Variants in LYG2 observed in about 807,000 individuals in gnomAD.
LYG2 encodes the protein lysozyme g2, also known as lysozyme g-like protein 2.
LYG2 carries 25 observed loss-of-function variants against 22.4 expected under a neutral mutation model. That is an observed-to-expected ratio of 1.12 (90% confidence interval 0.81 to 1.56). The LOEUF is 1.56. Ranked by LOEUF, LYG2 falls within the 40% of genes most tolerant of loss-of-function variation. The pLI is 0.00. For synonymous variants in LYG2, 88 were observed against 97.0 expected, an observed-to-expected ratio of 0.91 and a Z score of 0.55; for missense variants, 266 against 269.5, an observed-to-expected ratio of 0.99 and a Z score of 0.09.
chr2:99,250,595 C>T lies in LYG2; in HGVS notation c.43+3623G>A, dbSNP rs76085365. On this transcript the variant is annotated intron_variant, in intron 3 of 6. Transcript: ENST00000333017. ...TTCAGCATGTTAGCCAGGATGGTCTCGATCTGCTGACCTTGTGATCCGCCC... is the reference window on the plus strand; with the variant it reads ...TTCAGCATGTTAGCCAGGATGGTCTTGATCTGCTGACCTTGTGATCCGCCC... Among the ~76,000 whole-genome samples the T allele has an allele frequency of 8.9e-4, 135 of 152,186 alleles. 1 individual carries two copies. In the East Asian group the frequency reaches 0.024, roughly 27 times the overall value.
chr2:99,245,571 C>T (rs1207867450), intron 4 of LYG2, 113 bp from the exon 5 acceptor site: 28 of 432,800 alleles, frequency 6.5e-5, no homozygotes, highest in East Asian at 5.3e-4. Flanking sequence ...AGGAGGAGTT[C>T]GAAACCAGCC....
rs1363954244 is a variant in LYG2, at chr2:99,242,319, G to T, written c.*45C>A. On this transcript the variant is annotated 3_prime_UTR_variant, in exon 7 of 7. Coordinates refer to ENST00000333017, the MANE Select transcript of LYG2 (RefSeq NM_175735.4). ...CATTCACGTAAAACTCTCAAAGGCGGCCATCTGAGCACTCTGCCAACCTGG... is the reference window on the plus strand; with the variant it reads ...CATTCACGTAAAACTCTCAAAGGCGTCCATCTGAGCACTCTGCCAACCTGG... The T allele has an allele frequency of 1.8e-6, 2 of 1,086,508 alleles. No homozygotes were observed. Among genetic ancestry groups the T allele is most frequent in the Non-Finnish European group, 2.7e-6 (2 of 727,588 alleles). 67.3% of individuals were successfully genotyped at this position (1,086,508 alleles called of 1,614,324 possible). A position where few individuals can be genotyped will look rare whatever the true frequency, so the allele number is the denominator to read the frequency against.
chr2:99,243,277 AGAAAG>A (rs2094009551), intron 6 of LYG2: 1 of 685,778 alleles, frequency 1.5e-6, no homozygotes, highest in Non-Finnish European at 2.4e-6. Context: ...AAAATGCAGA[AGAAAG>A]AGCAAATTTA....
chr2:99,246,022 C>A (rs975145260), intron 4 of LYG2, among the ~76,000 whole-genome samples: 3 of 152,096 alleles, frequency 2.0e-5, no homozygotes, highest in African/African-American at 7.2e-5. Flanking sequence ...GCAGGAGAAT[C>A]GCTTGAACCT....
intron 3 of LYG2, 35 bp downstream of exon 3, chr2:99,254,183 C>T (rs200710484): frequency 2.5e-4 from 406 of 1,598,084 alleles, no homozygotes; most frequent in Non-Finnish European, 3.1e-4. Context: ...TGTGGACACC[C>T]TGTGAACAAT....
upstream of LYG2, among the ~76,000 whole-genome samples, chr2:99,256,973 A>G (rs541947647): frequency 2.6e-5 from 4 of 152,354 alleles, no homozygotes; most frequent in African/African-American, 9.6e-5. Flanking sequence ...GAAGCTAAGT[A>G]ACTTGTCAAA....
chr2:99,250,233 T>C (rs951559444), intron 3 of LYG2, among the ~76,000 whole-genome samples: 5 of 152,096 alleles, frequency 3.3e-5, no homozygotes, highest in Non-Finnish European at 7.3e-5. Context: ...TCTGTCCAAA[T>C]ATCACCTTAT....
chr2:99,257,980 C>T (rs1306799915), upstream of LYG2, among the ~76,000 whole-genome samples: 1 of 152,188 alleles, frequency 6.6e-6, no homozygotes, highest in African/African-American at 2.4e-5. Context: ...AAGACCTGCC[C>T]TTGTGCCCTG....
chr2:99,252,344 T>C (rs544428667), intron 3 of LYG2, among the ~76,000 whole-genome samples: 20 of 149,758 alleles, frequency 1.3e-4, no homozygotes, highest in East Asian at 4.1e-4. Flanking sequence ...TGAGCCACCG[T>C]GCCCAGCCCA....
At chr2:99,250,576 A>C (rs13409401) in intron 3 of LYG2, among the ~76,000 whole-genome samples, 1 of 150,856 alleles carries the variant, frequency 6.6e-6, no homozygotes, top group African/African-American at 2.5e-5. Context: ...GGGTTTCAGC[A>C]TGTTAGCCAG....
rs1235173406 is a variant in LYG2 at position 99,243,485 on chromosome 2, G to A, written c.520+514C>T. 5.9e-6 allele frequency: 9 copies of A among 1,517,986 alleles called. No individual in the cohort carries two copies. In the East Asian group the frequency reaches 1.5e-4, roughly 25 times the overall value. 94.0% of individuals were successfully genotyped at this position (1,517,986 alleles called of 1,614,324 possible). ...AACAGGAAAAAACCTATGAGAGGTAGGCAAACAGATAGATAGATAGATAGA... is the reference window on the plus strand; with the variant it reads ...AACAGGAAAAAACCTATGAGAGGTAAGCAAACAGATAGATAGATAGATAGA... On this transcript the variant is annotated intron_variant, in intron 6 of 6. Transcript: ENST00000333017.
chr2:99,243,242 A>G (rs556324107), intron 6 of LYG2, among the ~76,000 whole-genome samples: 2 of 152,278 alleles, frequency 1.3e-5, no homozygotes, highest in Admixed American at 6.5e-5. Flanking sequence ...ATGACTGGCT[A>G]TATTATGGTG....
chr2:99,250,469 G>A lies in LYG2; in HGVS notation c.44-3649C>T, dbSNP rs1574864481. Among the ~76,000 whole-genome samples the A allele has an allele frequency of 2.0e-5, 3 of 151,276 alleles. No homozygotes were observed. In the East Asian group the frequency reaches 5.9e-4, roughly 30 times the overall value. ...GGCTCACTGCAAGCTCCGCCTCCTG[G>A]GTTCATGCCATTCTCCTGCCTCAGC... is the stretch of plus-strand genomic sequence containing the variant. On this transcript the variant is annotated intron_variant, in intron 3 of 6. Coordinates refer to ENST00000333017, the MANE Select transcript of LYG2 (RefSeq NM_175735.4).
chr2:99,248,317 A>G (rs374973937), intron 3 of LYG2, among the ~76,000 whole-genome samples: 6 of 151,610 alleles, frequency 4.0e-5, no homozygotes, highest in African/African-American at 7.3e-5. Context: ...CAATAGCAAA[A>G]ACTTGGAACC....
rs1003135505 is a variant in LYG2, at chr2:99,244,215, G to T, written c.382-78C>A. 6 of 1,450,208 alleles carry T rather than the reference G, an allele frequency of 4.1e-6. No individual in the cohort carries two copies. The East Asian group carries it at 9.2e-5, about 22-fold the overall frequency. 89.8% of individuals were successfully genotyped at this position (1,450,208 alleles called of 1,614,324 possible). A position where few individuals can be genotyped will look rare whatever the true frequency, so the allele number is the denominator to read the frequency against. On this transcript the variant is annotated intron_variant, in intron 5 of 6. Transcript: ENST00000333017. ...CTGCCATTCCTAATTTCCTCTCCTG[G>T]TATTCAAGTCATAGATACCGGCCTT...
chr2:99,254,551 A>G (rs955737644), intron 2 of LYG2, among the ~76,000 whole-genome samples: 2 of 151,944 alleles, frequency 1.3e-5, no homozygotes, highest in African/African-American at 4.8e-5. Context: ...ATACACTCCC[A>G]TCCCACCTCT....
chr2:99,255,682 A>G (rs1245511846), upstream of LYG2, among the ~76,000 whole-genome samples: 3 of 152,220 alleles, frequency 2.0e-5, no homozygotes, highest in East Asian at 5.8e-4. Context: ...ATGATCTCAA[A>G]CCACTATGTC....
At chr2:99,243,975 C>A (rs371196789) in intron 6 of LYG2, 24 bp downstream of exon 6, 1 of 1,613,678 alleles carries the variant, frequency 6.2e-7, no homozygotes, top group African/African-American at 1.3e-5. Flanking sequence ...CTCATTTAAA[C>A]AAAGTACTCA....
rs1049174506 is a variant in LYG2, at chr2:99,250,813, A to G, written c.43+3405T>C. Among the ~76,000 whole-genome samples the G allele has an allele frequency of 3.3e-5, 5 of 152,350 alleles. No homozygotes were observed. In the South Asian group the frequency reaches 8.3e-4, roughly 25 times the overall value. On this transcript the variant is annotated intron_variant, in intron 3 of 6. Coordinates refer to ENST00000333017, the MANE Select transcript of LYG2 (RefSeq NM_175735.4). ...TAGGCTGTTCATTCCAGCACTGTTG[A>G]TAAGAGCAAAGGACTGCAAACAACA...
Sources: allele counts gnomAD v4.1 joint callset (sites outside exome capture counted in the v4.1 genomes callset), GRCh38; gene constraint gnomAD v4.1.1; transcripts MANE v1.5; gene names NCBI Gene and HGNC (gene_info 2026-07-23, HGNC 2026-07-21).